The following STK3 variants were observed in gnomAD, a reference collection of about 807,000 sequenced individuals.
The protein encoded by STK3 is serine/threonine kinase 3, also known as serine/threonine-protein kinase 3.
Under a neutral mutation model 58.0 loss-of-function variants are expected in STK3, and 41 were observed. That is an observed-to-expected ratio of 0.71 (90% CI 0.55 to 0.92). The LOEUF (loss-of-function observed/expected upper bound fraction) is 0.92. STK3 is among the 40% of genes least tolerant of loss of function. STK3 has a pLI of 0.00. For missense variants in STK3, 479 were observed against 602.7 expected, an observed-to-expected ratio of 0.79 and a Z score of 2.15; for synonymous variants, 170 against 191.0, an observed-to-expected ratio of 0.89 and a Z score of 0.91.
chr8:98,366,816 A>G (rs1376685874), downstream of STK3, among the ~76,000 whole-genome samples: 1 of 151,770 alleles, frequency 6.6e-6, no homozygotes, highest in Non-Finnish European at 1.5e-5. Context: ...TTTGCCCCAC[A>G]CACGTCTACT....
At chr8:98,699,880 C>T (rs1825389661) in intron 6 of STK3, among the ~76,000 whole-genome samples, 1 of 152,190 alleles carries the variant, frequency 6.6e-6, no homozygotes, top group African/African-American at 2.4e-5. Flanking sequence ...GGGAGAACCA[C>T]TGCTCTCTTC....
At chr8:98,450,374 C>T (rs995003793), downstream of STK3, among the ~76,000 whole-genome samples, 6 of 152,190 alleles carry the variant, frequency 3.9e-5, no homozygotes, top group African/African-American at 1.2e-4. Context: ...ATGTCAAGAA[C>T]TTTGCTAAAT....
chr8:98,924,178 G>T (rs957324882), intron 1 of STK3, among the ~76,000 whole-genome samples: 8 of 152,186 alleles, frequency 5.3e-5, no homozygotes, highest in Non-Finnish European at 1.2e-4. Context: ...TCCTTGGCAG[G>T]CCTCTGCCTT....
intron 8 of STK3, among the ~76,000 whole-genome samples, chr8:98,568,682 G>A (rs183078853): frequency 4.6e-5 from 7 of 152,126 alleles, no homozygotes; most frequent in African/African-American, 7.2e-5. Context: ...AAATAATAAC[G>A]TAGAAGAGAA....
chr8:98,596,192 A>C, intron 6 of STK3, 23 bp from the exon 7 acceptor site: 1 of 1,604,266 alleles, frequency 6.2e-7, no homozygotes, highest in Non-Finnish European at 8.5e-7. Context: ...AAATATCCAA[A>C]AGACAGTAAG....
At chr8:98,540,040 C>G (rs1422630709) in intron 9 of STK3, among the ~76,000 whole-genome samples, 2 of 152,238 alleles carry the variant, frequency 1.3e-5, no homozygotes, top group Non-Finnish European at 2.9e-5. Flanking sequence ...AGGCGTGAGC[C>G]ACTGCGCCCG....
chr8:98,543,211 G>GCT (rs1810432853), intron 9 of STK3, among the ~76,000 whole-genome samples: 1 of 152,108 alleles, frequency 6.6e-6, no homozygotes, highest in African/African-American at 2.4e-5. Context: ...AGGTAAAAAA[G>GCT]CTCTGTAAGA....
At chr8:98,749,168 T>C in intron 4 of STK3, 108 bp downstream of exon 4, 1 of 813,546 alleles carries the variant, frequency 1.2e-6, no homozygotes, top group Non-Finnish European at 1.9e-6. Flanking sequence ...CTTAAAACCT[T>C]TTCTTTTTTC....
chr8:98,466,629 T>C (rs926445850), intron 10 of STK3, among the ~76,000 whole-genome samples: 1 of 152,164 alleles, frequency 6.6e-6, no homozygotes, highest in African/African-American at 2.4e-5. Flanking sequence ...TGTTATTATG[T>C]AAATGGTGAC....
At chr8:98,392,518 A>T (rs1398526537), upstream of STK3, among the ~76,000 whole-genome samples, 1 of 152,098 alleles carries the variant, frequency 6.6e-6, no homozygotes, top group African/African-American at 2.4e-5. Flanking sequence ...CCAAGATGAA[A>T]AGAAGTTTTG....
chr8:98,381,877 A>G (rs1476788561), intron 1 of STK3, among the ~76,000 whole-genome samples: 1 of 152,190 alleles, frequency 6.6e-6, no homozygotes, highest in Admixed American at 6.5e-5. Context: ...ACATGGCTGG[A>G]TCCTACCTTT....
At chr8:98,359,465 G>A in the STK3 span, among the ~76,000 whole-genome samples, 1 of 149,248 alleles carries the variant, frequency 6.7e-6, no homozygotes, top group African/African-American at 2.5e-5. Flanking sequence ...GGAGGTTGCA[G>A]TGAGCTGAGA....
At chr8:98,621,115 G>C (rs907827570) in intron 6 of STK3, among the ~76,000 whole-genome samples, 3 of 152,054 alleles carry the variant, frequency 2.0e-5, no homozygotes, top group Non-Finnish European at 4.4e-5. Flanking sequence ...ATTTTTAGTA[G>C]AGACCGTTAG....
chr8:98,502,471 C>G (rs1395219475), intron 10 of STK3, among the ~76,000 whole-genome samples: 2 of 152,148 alleles, frequency 1.3e-5, no homozygotes, highest in Non-Finnish European at 2.9e-5. Flanking sequence ...AGAGGGCATC[C>G]CTGTCTTGTG....
chr8:98,810,025 G>C (rs1011768095), intron 1 of STK3, among the ~76,000 whole-genome samples: 1 of 152,190 alleles, frequency 6.6e-6, no homozygotes, highest in Non-Finnish European at 1.5e-5. Flanking sequence ...AGGGGGAGTA[G>C]CACTTCACAT....
chr8:98,344,798 C>T, the STK3 span, among the ~76,000 whole-genome samples: 1 of 141,512 alleles, frequency 7.1e-6, no homozygotes, highest in Admixed American at 7.6e-5. Context: ...GAGGCTGAGG[C>T]AGGAGAATGG....
At chr8:98,500,932 G>T (rs1823534562) in intron 10 of STK3, among the ~76,000 whole-genome samples, 1 of 152,052 alleles carries the variant, frequency 6.6e-6, no homozygotes, top group Admixed American at 6.5e-5. Flanking sequence ...TCCAGTAATG[G>T]GATCTCTGGG....
At chr8:98,384,218 A>G (rs1419302209) in intron 1 of STK3, among the ~76,000 whole-genome samples, 1 of 152,202 alleles carries the variant, frequency 6.6e-6, no homozygotes, top group African/African-American at 2.4e-5. Flanking sequence ...TCACAGGCCA[A>G]TCCTTCATAA....
chr8:98,894,818 T>C (rs747604243), intron 1 of STK3, among the ~76,000 whole-genome samples: 18 of 152,202 alleles, frequency 1.2e-4, no homozygotes, highest in Admixed American at 2.6e-4. Flanking sequence ...GAATTTACAC[T>C]CTGTGAAGTA....
Sources: gnomAD v4.1 joint callset for allele counts (sites outside exome capture counted in the v4.1 genomes callset) on GRCh38, gnomAD v4.1.1 for gene constraint, MANE v1.5 for transcripts, NCBI Gene and HGNC (gene_info 2026-07-23, HGNC 2026-07-21) for gene names.